DNM3: variants seen among roughly 807,000 people sequenced by gnomAD.
DNM3 encodes dynamin-3.
Under a neutral mutation model 101.6 loss-of-function variants are expected in DNM3, and 47 were observed. That is an observed-to-expected ratio of 0.46 (90% CI 0.37 to 0.59). The LOEUF is 0.59. DNM3 is among the 20% of genes least tolerant of loss of function. The probability of loss-of-function intolerance (pLI) is 0.00; values close to 1 mark genes in which losing one functional copy is unlikely to be tolerated. For missense variants in DNM3, 849 were observed against 1,085.7 expected, an observed-to-expected ratio of 0.78 and a Z score of 3.06; for synonymous variants, 385 against 387.9, an observed-to-expected ratio of 0.99 and a Z score of 0.09.
intron 1 of DNM3, among the ~76,000 whole-genome samples, chr1:171,915,504 G>A (rs2125297111): frequency 6.6e-6 from 1 of 152,292 alleles, no homozygotes; most frequent in Middle Eastern, 3.4e-3. Flanking sequence ...TGGAGCATGA[G>A]GATAGAGGTA....
intron 15 of DNM3, among the ~76,000 whole-genome samples, chr1:172,280,419 TA>T (rs1186319383): frequency 6.6e-6 from 1 of 152,192 alleles, no homozygotes; most frequent in Non-Finnish European, 1.5e-5. Context: ...CCTGAGGGCC[TA>T]GAACACTGCC....
intron 10 of DNM3, among the ~76,000 whole-genome samples, chr1:172,057,602 T>A (rs1285713555): frequency 1.3e-5 from 2 of 152,044 alleles, no homozygotes; most frequent in Non-Finnish European, 2.9e-5. Flanking sequence ...CTAAGCTTCA[T>A]AAATGAAGGA....
intron 16 of DNM3, among the ~76,000 whole-genome samples, chr1:172,315,319 T>C (rs2148890837): frequency 6.6e-6 from 1 of 152,266 alleles, no homozygotes; most frequent in Middle Eastern, 3.4e-3. Flanking sequence ...CTGGAAACTC[T>C]AAAAAGCAGA....
At chr1:172,074,393 G>T (rs117843531) in intron 11 of DNM3, among the ~76,000 whole-genome samples, 1 of 151,976 alleles carries the variant, frequency 6.6e-6, no homozygotes, top group Admixed American at 6.6e-5. Context: ...GTATGCACGC[G>T]CCATGGTGGT....
At chr1:171,894,191 C>G (rs898162262) in intron 1 of DNM3, among the ~76,000 whole-genome samples, 1 of 152,028 alleles carries the variant, frequency 6.6e-6, no homozygotes, top group Non-Finnish European at 1.5e-5. Flanking sequence ...CTCCTGATCT[C>G]AAGTGACCCG....
chr1:172,304,206 CAAAAAAAAA>C (rs575733774), intron 15 of DNM3, among the ~76,000 whole-genome samples: 2 of 36,398 alleles, frequency 5.5e-5, no homozygotes, highest in African/African-American at 4.1e-4. Context: ...AAAAGGAAAG[CAAAAAAAAA>C]AAAAAAACAG....
chr1:172,339,301 C>T (rs2066585418), intron 17 of DNM3, among the ~76,000 whole-genome samples: 1 of 152,206 alleles, frequency 6.6e-6, no homozygotes, highest in Non-Finnish European at 1.5e-5. Flanking sequence ...TACCCAACTT[C>T]AAACTGTGTT....
chr1:172,304,206 CAAA>C (rs575733774), intron 15 of DNM3, among the ~76,000 whole-genome samples: 5 of 36,402 alleles, frequency 1.4e-4, no homozygotes, highest in African/African-American at 4.1e-4. Context: ...AAAAGGAAAG[CAAA>C]AAAAAAAAAA....
At chr1:171,955,415 CTG>C (rs1414872677) in intron 2 of DNM3, among the ~76,000 whole-genome samples, 1 of 152,096 alleles carries the variant, frequency 6.6e-6, no homozygotes, top group African/African-American at 2.4e-5. Context: ...ATTAAGTGCA[CTG>C]TGTGTTTCCA....
chr1:172,288,389 A>C (rs2063779569), intron 15 of DNM3, among the ~76,000 whole-genome samples: 2 of 152,210 alleles, frequency 1.3e-5, no homozygotes. Context: ...TGGAACTGAT[A>C]GCTGGAGCCT....
intron 14 of DNM3, among the ~76,000 whole-genome samples, chr1:172,169,875 T>G (rs538827458): frequency 2.0e-4 from 31 of 152,078 alleles, no homozygotes; most frequent in African/African-American, 7.2e-4. Context: ...TGTTTCTTTT[T>G]TCTTCTTTTG....
chr1:172,291,865 T>C (rs1220267317), intron 15 of DNM3, among the ~76,000 whole-genome samples: 1 of 152,182 alleles, frequency 6.6e-6, no homozygotes, highest in Non-Finnish European at 1.5e-5. Context: ...GACATAGGAC[T>C]ATGATGTTAG....
At chr1:171,925,556 T>C (rs1558275397) in intron 2 of DNM3, among the ~76,000 whole-genome samples, 1 of 152,206 alleles carries the variant, frequency 6.6e-6, no homozygotes, top group African/African-American at 2.4e-5. Context: ...TGGGGTTATT[T>C]GTTTTTTTCT....
chr1:172,175,538 G>C (rs1438891311), intron 14 of DNM3, among the ~76,000 whole-genome samples: 1 of 151,688 alleles, frequency 6.6e-6, no homozygotes, highest in Admixed American at 6.6e-5. Context: ...TTTAATTTCA[G>C]TGATGTTAGA....
intron 11 of DNM3, 137 bp from the exon 12 acceptor site, chr1:172,081,690 AAAGTT>A (rs2053161543): frequency 1.5e-6 from 1 of 649,404 alleles, no homozygotes; most frequent in African/African-American, 1.8e-5. Context: ...CTAATAAAGA[AAAGTT>A]AAGGTTACTT....
intron 15 of DNM3, among the ~76,000 whole-genome samples, chr1:172,260,103 T>C (rs192535108): frequency 2.0e-5 from 3 of 152,220 alleles, no homozygotes; most frequent in Admixed American, 2.0e-4. Context: ...GGCATAATAT[T>C]TTTGGCTAGC....
intron 16 of DNM3, among the ~76,000 whole-genome samples, chr1:172,319,434 C>T (rs1202209406): frequency 6.6e-6 from 1 of 152,128 alleles, no homozygotes; most frequent in African/African-American, 2.4e-5. Flanking sequence ...AAGAAACTAC[C>T]ATCAGAGTGA....
intron 1 of DNM3, among the ~76,000 whole-genome samples, chr1:171,911,025 C>G (rs1025832642): frequency 1.3e-5 from 2 of 151,852 alleles, no homozygotes; most frequent in African/African-American, 4.8e-5. Context: ...AGTGTAGAAT[C>G]CCTTGGGAGC....
intron 14 of DNM3, among the ~76,000 whole-genome samples, chr1:172,208,248 G>C (rs567518706): frequency 6.6e-6 from 1 of 151,996 alleles, no homozygotes; most frequent in Non-Finnish European, 1.5e-5. Context: ...TTAAATGTAA[G>C]GATCTACTTC....
Sources: allele counts gnomAD v4.1 joint callset (sites outside exome capture counted in the v4.1 genomes callset), GRCh38; gene constraint gnomAD v4.1.1; transcripts MANE v1.5; gene names NCBI Gene and HGNC (gene_info 2026-07-23, HGNC 2026-07-21).